CA5A: variants seen among roughly 807,000 people sequenced by gnomAD.
CA5A encodes the protein carbonic anhydrase 5A, mitochondrial.
CA5A carries 28 observed loss-of-function variants against 37.1 expected under a neutral mutation model. That is an observed-to-expected ratio of 0.75 (90% CI 0.56 to 1.03). The LOEUF is 1.03. Among genes scored for constraint, CA5A ranks in the 50% least tolerant of loss-of-function variants. The pLI is 0.00. For missense variants in CA5A, 444 were observed against 399.9 expected (o/e 1.11, Z -0.94); for synonymous variants, 171 against 158.4 (o/e 1.08, Z -0.60).
intron 6 of CA5A, among the ~76,000 whole-genome samples, chr16:87,890,531 G>A (rs921569422): frequency 3.3e-5 from 5 of 152,238 alleles, no homozygotes; most frequent in African/African-American, 1.2e-4. Flanking sequence ...CAGCACGTCT[G>A]TGGCTCTGAA....
At chr16:87,905,493 G>A (rs977727907) in intron 2 of CA5A, among the ~76,000 whole-genome samples, 1 of 152,056 alleles carries the variant, frequency 6.6e-6, no homozygotes, top group African/African-American at 2.4e-5. Flanking sequence ...TGAGTAGCTG[G>A]GATTACAGGC....
chr16:87,929,927 A>T (rs2056379318), intron 1 of CA5A, among the ~76,000 whole-genome samples: 1 of 151,774 alleles, frequency 6.6e-6, no homozygotes, highest in African/African-American at 2.4e-5. Context: ...AGTAGAATGT[A>T]CAATACATTT....
At chr16:87,923,687 G>T (rs1331983294) in intron 2 of CA5A, 2 of 985,204 alleles carry the variant, frequency 2.0e-6, no homozygotes, top group African/African-American at 1.7e-5. Context: ...AATTTATTTT[G>T]TAAAATAACA....
chr16:87,917,988 G>A (rs2056178121), intron 2 of CA5A, among the ~76,000 whole-genome samples: 1 of 152,328 alleles, frequency 6.6e-6, no homozygotes, highest in African/African-American at 2.4e-5. Context: ...CACAGTCCCA[G>A]TCCCGACACT....
chr16:87,884,277 A>T (rs1477205560), downstream of CA5A: 1 of 149,724 alleles, frequency 6.7e-6, no homozygotes. Context: ...AAAAAAAAAA[A>T]AAAAAAAAGA....
At chr16:87,929,949 A>G (rs1306781947) in intron 1 of CA5A, among the ~76,000 whole-genome samples, 1 of 151,724 alleles carries the variant, frequency 6.6e-6, no homozygotes, top group Non-Finnish European at 1.5e-5. Context: ...TAAGTTAAAG[A>G]TTGCAAAATC....
intron 6 of CA5A, among the ~76,000 whole-genome samples, chr16:87,891,142 CG>C (rs761668521): frequency 1.6e-5 from 2 of 128,768 alleles, no homozygotes; most frequent in African/African-American, 6.5e-5. Flanking sequence ...AATTAATTTT[CG>C]AAAAAAAAAA....
chr16:87,931,907 C>T (rs983864693), intron 1 of CA5A, among the ~76,000 whole-genome samples: 1 of 151,072 alleles, frequency 6.6e-6, no homozygotes. Context: ...TTCAGAACGA[C>T]ACCAGCAGCC....
rs185157091 is a variant in CA5A at position 87,901,864 on chromosome 16, G to A, written c.618+48C>T. On this transcript the variant is annotated intron_variant, in intron 5 of 6. Transcript: ENST00000649794. ...AGCCTCCCAAAGTGCTGGGATTACA[G>A]GCGTGAGCCTCCGCGCCCGGCCTGC... 83 of 1,536,018 alleles carry A rather than the reference G, an allele frequency of 5.4e-5. No homozygotes were observed. The African/African-American group carries it at 1.0e-3, about 19-fold the overall frequency.
At chr16:87,907,079 G>A (rs566824527) in intron 2 of CA5A, among the ~76,000 whole-genome samples, 6 of 152,238 alleles carry the variant, frequency 3.9e-5, no homozygotes, top group African/African-American at 4.8e-5. Flanking sequence ...TTAGCCAGGT[G>A]TATTGGTGGG....
At chr16:87,916,959 G>T in intron 2 of CA5A, among the ~76,000 whole-genome samples, 1 of 152,010 alleles carries the variant, frequency 6.6e-6, no homozygotes, top group Non-Finnish European at 1.5e-5. Flanking sequence ...ACAAAAATTA[G>T]CCAGGCGTGG....
chr16:87,884,425 G>T (rs969627970), downstream of CA5A: 1 of 152,062 alleles, frequency 6.6e-6, no homozygotes, highest in Non-Finnish European at 1.5e-5. Context: ...AAATTAGCCA[G>T]GCGTGGTGGC....
intron 2 of CA5A, among the ~76,000 whole-genome samples, chr16:87,924,889 G>A (rs2056282950): frequency 6.6e-6 from 1 of 152,196 alleles, no homozygotes; most frequent in South Asian, 2.1e-4. Context: ...CTGAGTGCCG[G>A]CCTGGGGTGG....
intron 2 of CA5A, among the ~76,000 whole-genome samples, chr16:87,919,822 C>T (rs1354848282): frequency 2.6e-5 from 4 of 152,204 alleles, no homozygotes; most frequent in African/African-American, 9.6e-5. Flanking sequence ...TGGGAGATGG[C>T]TCATGCTGGC....
intron 2 of CA5A, among the ~76,000 whole-genome samples, chr16:87,916,650 T>C (rs1301578068): frequency 6.6e-6 from 1 of 152,256 alleles, no homozygotes; most frequent in South Asian, 2.1e-4. Flanking sequence ...TACCTATTTA[T>C]TAATTAATGT....
downstream of CA5A, chr16:87,886,516 G>C (rs2055649329): frequency 6.6e-6 from 1 of 152,116 alleles, no homozygotes; most frequent in Non-Finnish European, 1.5e-5. Flanking sequence ...TGAGGTAGGG[G>C]TGTGAGGTAT....
At chr16:87,915,994 G>T (rs1031461337) in intron 2 of CA5A, among the ~76,000 whole-genome samples, 1 of 151,902 alleles carries the variant, frequency 6.6e-6, no homozygotes, top group Admixed American at 6.6e-5. Flanking sequence ...ACGGCAGAAG[G>T]CGAAAGGCAG....
At chr16:87,918,388 TC>T (rs1041595277) in intron 2 of CA5A, among the ~76,000 whole-genome samples, 4 of 134,678 alleles carry the variant, frequency 3.0e-5, no homozygotes, top group African/African-American at 1.1e-4. Context: ...CCTTCCCTCC[TC>T]CCCCCGCTTT....
At chr16:87,899,513 G>A (rs1474603167) in intron 5 of CA5A, among the ~76,000 whole-genome samples, 1 of 150,696 alleles carries the variant, frequency 6.6e-6, no homozygotes, top group African/African-American at 2.4e-5. Flanking sequence ...ATGTTGGCCA[G>A]GCTGGTTTTG....
Sources: gnomAD v4.1 joint callset for allele counts (sites outside exome capture counted in the v4.1 genomes callset) on GRCh38, gnomAD v4.1.1 for gene constraint, MANE v1.5 for transcripts, NCBI Gene and HGNC (gene_info 2026-07-23, HGNC 2026-07-21) for gene names.